The following BCAS4 variants were observed in gnomAD, a reference collection of about 807,000 sequenced individuals.
The protein encoded by BCAS4 is breast carcinoma amplified sequence 4.
Under a neutral mutation model 15.7 loss-of-function variants are expected in BCAS4, and 9 were observed. The ratio of observed to expected loss-of-function variants is 0.57; its 90% CI spans 0.34 to 1.00. The LOEUF (loss-of-function observed/expected upper bound fraction) is 1.00. Ranked by LOEUF, BCAS4 falls within the 50% of genes least tolerant of loss-of-function variation. The probability of loss-of-function intolerance (pLI) is 0.02; values close to 1 mark genes in which losing one functional copy is unlikely to be tolerated. For synonymous variants in BCAS4, 101 were observed against 99.5 expected (o/e 1.02, Z -0.09); for missense variants, 225 against 239.1 (o/e 0.94, Z 0.39).
chr20:50,818,401 G>C (rs1431498388), intron 2 of BCAS4, 119 bp downstream of exon 2: 1 of 958,520 alleles, frequency 1.0e-6, no homozygotes, highest in African/African-American at 1.7e-5. Context: ...TGGGGCAGCG[G>C]CCAGCGCTGA....
chr20:50,841,657 C>A, intron 3 of BCAS4, 109 bp from the exon 4 acceptor site: 1 of 1,468,690 alleles, frequency 6.8e-7, no homozygotes, highest in Non-Finnish European at 9.3e-7. Context: ...TGGAGGGAGG[C>A]TGGTCGCAGT....
chr20:50,819,257 G>A (rs976212928), intron 2 of BCAS4, among the ~76,000 whole-genome samples: 2 of 151,954 alleles, frequency 1.3e-5, no homozygotes, highest in Non-Finnish European at 2.9e-5. Context: ...CAGGTGTGGA[G>A]CCCCCAGGAG....
intron 1 of BCAS4, among the ~76,000 whole-genome samples, chr20:50,810,102 T>A (rs1369998932): frequency 6.6e-6 from 1 of 151,974 alleles, no homozygotes; most frequent in Non-Finnish European, 1.5e-5. Context: ...TTTCTTTCTC[T>A]TGTCTGATTG....
intron 2 of BCAS4, among the ~76,000 whole-genome samples, chr20:50,826,871 G>A (rs1382204041): frequency 1.3e-5 from 2 of 152,152 alleles, no homozygotes; most frequent in African/African-American, 4.8e-5. Flanking sequence ...AAGAGGCTGA[G>A]GCTGGAGAAT....
intron 1 of BCAS4, among the ~76,000 whole-genome samples, chr20:50,797,611 C>T (rs933517226): frequency 1.3e-5 from 2 of 152,128 alleles, no homozygotes; most frequent in African/African-American, 4.8e-5. Context: ...AGCATGTATC[C>T]ATAAACACTG....
At chr20:50,834,292 CTTTTTTTT>C (rs74175526) in intron 3 of BCAS4, among the ~76,000 whole-genome samples, 1 of 121,086 alleles carries the variant, frequency 8.3e-6, no homozygotes. Flanking sequence ...TCGAACTCTT[CTTTTTTTT>C]TTTTTTTTTT....
chr20:50,870,581 C>A (rs1219659945), intron 4 of BCAS4, among the ~76,000 whole-genome samples: 1 of 152,212 alleles, frequency 6.6e-6, no homozygotes, highest in African/African-American at 2.4e-5. Context: ...GGATCTCAGG[C>A]TGGGGCTCCT....
At chr20:50,804,963 C>T (rs201229128) in intron 1 of BCAS4, among the ~76,000 whole-genome samples, 1 of 152,132 alleles carries the variant, frequency 6.6e-6, no homozygotes, top group Admixed American at 6.6e-5. Flanking sequence ...GATCTTTCAA[C>T]CTTCATTTCA....
rs2088484044 is a variant in BCAS4 at position 50,841,766 on chromosome 20, G to A, written c.265G>A (p.Ala89Thr). Residue 89 changes from alanine (A) to threonine (T), a missense_variant and splice_region_variant, in exon 4 of 5, where the codon GCC becomes ACC. By Grantham distance (58) the Ala-to-Thr change is moderately conservative (BLOSUM62 0). Transcript: ENST00000371608. ...ATCATGGCTTCTCCGTGTCCCTCAGGCCTTCGTCAAGATGGTTGGACACCA... is the reference window on the plus strand; with the variant it reads ...ATCATGGCTTCTCCGTGTCCCTCAGACCTTCGTCAAGATGGTTGGACACCA... ...GIYAKVDRLE[A>T]FVKMVGHHVA... The A allele has an allele frequency of 1.2e-6, 2 of 1,613,974 alleles. No individual in the cohort carries two copies. Among genetic ancestry groups the A allele is most frequent in the East Asian group, 4.5e-5 (2 of 44,882 alleles).
chr20:50,869,648 A>T (rs567263517), intron 4 of BCAS4, among the ~76,000 whole-genome samples: 1 of 150,214 alleles, frequency 6.7e-6, no homozygotes, highest in Non-Finnish European at 1.5e-5. Flanking sequence ...GAAGGGAGAT[A>T]TAGGGAAGGG....
At chr20:50,837,026 T>C (rs1272796234) in intron 3 of BCAS4, among the ~76,000 whole-genome samples, 4 of 152,154 alleles carry the variant, frequency 2.6e-5, no homozygotes, top group Non-Finnish European at 2.9e-5. Flanking sequence ...CTAGTACTTT[T>C]GAATGCCTAC....
chr20:50,830,441 G>T (rs3827036), intron 3 of BCAS4, 61 bp downstream of exon 3: 1 of 1,400,376 alleles, frequency 7.1e-7, no homozygotes, highest in Non-Finnish European at 1.0e-6. Flanking sequence ...TGCCTTTTCC[G>T]CAAAGACGCC....
intron 1 of BCAS4, among the ~76,000 whole-genome samples, chr20:50,816,632 T>C (rs2088140478): frequency 6.6e-6 from 1 of 152,072 alleles, no homozygotes; most frequent in Admixed American, 6.5e-5. Context: ...TTTATGTTAA[T>C]GTCCAGCCTG....
At chr20:50,817,623 G>A (rs1035833141) in intron 1 of BCAS4, among the ~76,000 whole-genome samples, 38 of 152,168 alleles carry the variant, frequency 2.5e-4, no homozygotes, top group African/African-American at 8.7e-4. Flanking sequence ...CACCATGCCC[G>A]GCTAATTTTT....
intron 2 of BCAS4, among the ~76,000 whole-genome samples, 176 bp from the exon 3 acceptor site, chr20:50,830,103 G>A (rs1208025701): frequency 6.6e-6 from 1 of 152,178 alleles, no homozygotes; most frequent in South Asian, 2.1e-4. Context: ...CCACAGAGGC[G>A]ACGATGTTGG....
chr20:50,876,405 G>A (rs1176980315), intron 4 of BCAS4, 81 bp from the exon 5 acceptor site: 1 of 1,557,782 alleles, frequency 6.4e-7, no homozygotes, highest in African/African-American at 1.4e-5. Flanking sequence ...CCTGCAGGAT[G>A]AACTTGTAGA....
chr20:50,821,610 C>T (rs541701816), intron 2 of BCAS4, among the ~76,000 whole-genome samples: 19 of 152,272 alleles, frequency 1.2e-4, no homozygotes, highest in African/African-American at 2.6e-4. Flanking sequence ...TGTCACACCA[C>T]GGACCACTGT....
chr20:50,880,379 T>A (rs895810763), downstream of BCAS4: 10 of 152,288 alleles, frequency 6.6e-5, no homozygotes, highest in African/African-American at 2.4e-4. Context: ...TAAAGCAAAG[T>A]GCCTGACATT....
At chr20:50,839,280 T>C (rs1314655259) in intron 3 of BCAS4, among the ~76,000 whole-genome samples, 1 of 152,228 alleles carries the variant, frequency 6.6e-6, no homozygotes, top group African/African-American at 2.4e-5. Flanking sequence ...CCCATACATG[T>C]ACTGAGCACA....
Sources: gnomAD v4.1 joint callset for allele counts (sites outside exome capture counted in the v4.1 genomes callset) on GRCh38, gnomAD v4.1.1 for gene constraint, MANE v1.5 for transcripts, NCBI Gene and HGNC (gene_info 2026-07-23, HGNC 2026-07-21) for gene names.